The following SAMMSON variants were observed in gnomAD, a reference collection of about 807,000 sequenced individuals.
SAMMSON encodes long intergenic non-protein coding RNA 1212.
chr3:70,015,328 G>A (rs540285005), intron 3 of SAMMSON: 1 of 151,388 alleles, frequency 6.6e-6, no homozygotes, highest in South Asian at 2.1e-4. Flanking sequence ...AACCATCTTG[G>A]GACTTCCCTC....
chr3:70,298,031 T>A (rs1016775089), intron 7 of SAMMSON, among the ~76,000 whole-genome samples: 1 of 152,068 alleles, frequency 6.6e-6, no homozygotes, highest in African/African-American at 2.4e-5. Flanking sequence ...CAGGGTCACA[T>A]CTAAGATTGA....
chr3:70,220,958 A>C (rs573325467), intron 4 of SAMMSON, among the ~76,000 whole-genome samples: 29 of 152,324 alleles, frequency 1.9e-4, no homozygotes, highest in African/African-American at 6.7e-4. Flanking sequence ...GTAGCTATGC[A>C]TCAGCTTACT....
At chr3:70,246,284 T>C (rs994531799) in intron 4 of SAMMSON, among the ~76,000 whole-genome samples, 51 of 152,098 alleles carry the variant, frequency 3.4e-4, no homozygotes, top group Non-Finnish European at 6.5e-4. Context: ...AAGGTCACAC[T>C]TTGTTACTTG....
rs537951839 is a variant in SAMMSON, at chr3:70,333,763, T to C, written n.740-20412T>C. On this transcript the variant is annotated intron_variant and non_coding_transcript_variant, in intron 7 of 9. Transcript: ENST00000642114. Reference sequence around the variant, plus strand: ...GCCTTTATCATGTCTTAGTCCTGCTTAAACCCCTTTAACAGTTTTCGGTTT... The same window carrying C: ...GCCTTTATCATGTCTTAGTCCTGCTCAAACCCCTTTAACAGTTTTCGGTTT... Among the ~76,000 whole-genome samples the C allele has an allele frequency of 2.0e-5, 3 of 152,340 alleles. No individual in the cohort carries two copies. In the South Asian group the frequency reaches 6.2e-4, roughly 32 times the overall value.
intron 6 of SAMMSON, among the ~76,000 whole-genome samples, chr3:70,254,470 G>C (rs1291812390): frequency 6.6e-6 from 1 of 152,098 alleles, no homozygotes; most frequent in Non-Finnish European, 1.5e-5. Flanking sequence ...AAGAAAAATA[G>C]ACCTTCTTTT....
chr3:70,072,279 A>C (rs2067232867), intron 4 of SAMMSON: 1 of 151,982 alleles, frequency 6.6e-6, no homozygotes, highest in African/African-American at 2.4e-5. Context: ...TAATTCCTGA[A>C]ATGAAAACAG....
At chr3:70,020,378 G>A (rs2067008148) in intron 3 of SAMMSON, among the ~76,000 whole-genome samples, 1 of 152,098 alleles carries the variant, frequency 6.6e-6, no homozygotes, top group Admixed American at 6.6e-5. Flanking sequence ...CCTCTCCTAG[G>A]AAATGACCAA....
At chr3:70,250,710 A>G (rs1016408917) in intron 6 of SAMMSON, among the ~76,000 whole-genome samples, 5 of 152,116 alleles carry the variant, frequency 3.3e-5, no homozygotes, top group Admixed American at 3.3e-4. Flanking sequence ...CAGAGTTTCC[A>G]CTGGCAATTC....
chr3:70,125,379 C>G, intron 4 of SAMMSON: 1 of 1,451,436 alleles, frequency 6.9e-7, no homozygotes, highest in Non-Finnish European at 9.4e-7. Context: ...TCACCAGGTT[C>G]ATAACTTCTG....
chr3:70,232,346 G>A (rs552235918), intron 4 of SAMMSON, among the ~76,000 whole-genome samples: 2 of 151,574 alleles, frequency 1.3e-5, no homozygotes, highest in South Asian at 2.1e-4. Flanking sequence ...CACATGTGTC[G>A]AATGCCCACA....
rs545332475 is a variant in SAMMSON, at chr3:70,360,100, C to T, written n.913+1776C>T. ...TTTATTCACCATCTCCTTTTTATGT[C>T]ATTGTCTATGTAAGAAATGAACAAG... On this transcript the variant is annotated intron_variant and non_coding_transcript_variant, in intron 9 of 9. Coordinates refer to ENST00000642114, the Ensembl canonical transcript of SAMMSON. Among the ~76,000 whole-genome samples, 23 of 152,084 alleles carry T rather than the reference C, an allele frequency of 1.5e-4. 1 individual carries two copies. The highest frequency in any genetic ancestry group is 1.1e-3 in the Admixed American group (17 of 15,266).
chr3:70,428,354 T>C (rs1457806396), intron 2 of SAMMSON, among the ~76,000 whole-genome samples: 2 of 152,086 alleles, frequency 1.3e-5, no homozygotes, highest in Non-Finnish European at 2.9e-5. Flanking sequence ...GAATCAATAA[T>C]CAAAATGTTA....
rs774781628 is a variant in SAMMSON at position 70,362,296 on chromosome 3, A to G, written n.913+3972A>G. 3.9e-5 allele frequency among the ~76,000 whole-genome samples: 6 copies of G among 152,302 alleles called. No homozygotes were observed. The South Asian group carries it at 1.2e-3, about 32-fold the overall frequency. ...TAAACATTAGAAATTAATTGATCTA[A>G]TAGGTAAAGTCAAAGATGTTTGAAT... On this transcript the variant is annotated intron_variant and non_coding_transcript_variant, in intron 9 of 9. Transcript: ENST00000642114.
At chr3:70,339,061 C>T (rs1337464650) in intron 7 of SAMMSON, among the ~76,000 whole-genome samples, 3 of 152,038 alleles carry the variant, frequency 2.0e-5, no homozygotes, top group Non-Finnish European at 4.4e-5. Context: ...GAGATATAGA[C>T]CAATGGAACA....
chr3:70,224,265 T>G (rs1343584169), intron 4 of SAMMSON, among the ~76,000 whole-genome samples: 1 of 152,212 alleles, frequency 6.6e-6, no homozygotes, highest in Admixed American at 6.5e-5. Context: ...CCTGACATGT[T>G]GCACTCTTTC....
chr3:70,297,721 T>A (rs909761451), intron 7 of SAMMSON, among the ~76,000 whole-genome samples: 2 of 152,084 alleles, frequency 1.3e-5, no homozygotes, highest in African/African-American at 4.8e-5. Context: ...ATTTTTTTCC[T>A]TTTGTGGGGT....
intron 6 of SAMMSON, among the ~76,000 whole-genome samples, chr3:70,279,868 T>C (rs187366928): frequency 1.5e-3 from 230 of 152,296 alleles, no homozygotes; most frequent in African/African-American, 5.3e-3. Context: ...ACCTGCTGTG[T>C]CATATCCTGG....
chr3:70,273,585 G>T (rs1465064198), intron 6 of SAMMSON, among the ~76,000 whole-genome samples: 1 of 152,128 alleles, frequency 6.6e-6, no homozygotes. Context: ...TTAAAAAAAA[G>T]AAATGCAGGT....
chr3:70,294,531 A>T (rs1575618548), intron 7 of SAMMSON, among the ~76,000 whole-genome samples: 1 of 152,138 alleles, frequency 6.6e-6, no homozygotes, highest in African/African-American at 2.4e-5. Context: ...TAAAATAATA[A>T]TAGTAGTCAT....
Sources: allele counts gnomAD v4.1 joint callset (sites outside exome capture counted in the v4.1 genomes callset), GRCh38; gene constraint gnomAD v4.1.1; transcripts MANE v1.5; gene names NCBI Gene and HGNC (gene_info 2026-07-23, HGNC 2026-07-21).